NCOR2: variants seen among roughly 807,000 people sequenced by gnomAD.
NCOR2 encodes the protein nuclear receptor corepressor 2.
Under a neutral mutation model 262.9 loss-of-function variants are expected in NCOR2, and 81 were observed. The ratio of observed to expected loss-of-function variants is 0.31; its 90% CI spans 0.26 to 0.37. The LOEUF is 0.37. Ranked by LOEUF, NCOR2 falls within the 10% of genes least tolerant of loss-of-function variation. The pLI, the probability that NCOR2 is intolerant of heterozygous loss-of-function variation, is 1.00. For synonymous variants in NCOR2, 1,659 were observed against 1,559.3 expected (o/e 1.06, Z -1.51); for missense variants, 3,385 against 3,621.4 (o/e 0.93, Z 1.68).
At chr12:124,556,770 C>T (rs1358692255) in intron 1 of NCOR2, among the ~76,000 whole-genome samples, 1 of 151,868 alleles carries the variant, frequency 6.6e-6, no homozygotes, top group Non-Finnish European at 1.5e-5. Context: ...ATCGCTTCAA[C>T]TCAGGAGGCA....
chr12:124,417,775 T>C (rs2042989332), intron 13 of NCOR2, among the ~76,000 whole-genome samples: 1 of 152,172 alleles, frequency 6.6e-6, no homozygotes, highest in Admixed American at 6.5e-5. Context: ...AAAAACACCG[T>C]AGCGGCTGAG....
At chr12:124,384,507 C>A (rs545277794) in intron 17 of NCOR2, among the ~76,000 whole-genome samples, 1 of 152,252 alleles carries the variant, frequency 6.6e-6, no homozygotes, top group South Asian at 2.1e-4. Context: ...GACCACAGGG[C>A]CGTGGGACCG....
rs1290192051 is a variant in NCOR2 at position 124,355,458 on chromosome 12, C to T, written c.3355G>A (p.Glu1119Lys). ...TGGGAGATGGCACCTATTTGCCTCT[C>T]GAGGACGCTGGGGTGCTTGGCAGAG... The change falls in exon 24 of 47, where the codon GAG (glutamate) becomes AAG (lysine). Residue 1119 changes from glutamate to lysine, a missense_variant. By Grantham distance (56) the Glu-to-Lys change is moderately conservative. This residue lies in a region of NCOR2 where 1,615 missense variants were observed against 1,626.9 expected (regional missense o/e 0.99). Transcript: ENST00000405201. The T allele has an allele frequency of 1.2e-6, 2 of 1,613,274 alleles. No homozygotes were observed. Among genetic ancestry groups the T allele is most frequent in the African/African-American group, 2.7e-5 (2 of 74,992 alleles).
intron 1 of NCOR2, among the ~76,000 whole-genome samples, chr12:124,490,771 G>A (rs920833161): frequency 1.3e-5 from 2 of 152,190 alleles, no homozygotes; most frequent in African/African-American, 2.4e-5. Context: ...CTCCACCAAA[G>A]GTCTGCAACG....
intron 17 of NCOR2, among the ~76,000 whole-genome samples, 186 bp downstream of exon 19, chr12:124,385,559 G>A (rs928651650): frequency 2.0e-5 from 3 of 152,164 alleles, no homozygotes; most frequent in South Asian, 2.1e-4. Context: ...ACTCATAGCA[G>A]CATTGCCGCC....
At chr12:124,486,399 G>A (rs767361478) in intron 2 of NCOR2, 42 bp downstream of exon 4, 5 of 1,606,290 alleles carry the variant, frequency 3.1e-6, no homozygotes, top group Non-Finnish European at 4.2e-6. Flanking sequence ...CTGAGAAGGA[G>A]CTCTCACGCC....
chr12:124,550,661 T>G (rs1458359709), intron 1 of NCOR2, among the ~76,000 whole-genome samples: 1 of 152,252 alleles, frequency 6.6e-6, no homozygotes, highest in Non-Finnish European at 1.5e-5. Context: ...ACACATTTGT[T>G]CTGCTTCCAA....
At chr12:124,340,395 C>A (rs569116167) in exon 36 of NCOR2, 3 of 1,613,116 alleles carry the variant, frequency 1.9e-6, no homozygotes, top group East Asian at 4.5e-5. Context: ...GTCTCGCTCC[C>A]GCTCGGACGA....
At chr12:124,419,310 T>C (rs866647775) in intron 13 of NCOR2, among the ~76,000 whole-genome samples, 1 of 152,094 alleles carries the variant, frequency 6.6e-6, no homozygotes, top group African/African-American at 2.4e-5. Context: ...ACCATGCAAC[T>C]CCACCAGAGC....
intron 44 of NCOR2, chr12:124,329,130 C>T (rs1256309013): frequency 2.1e-6 from 1 of 470,332 alleles, no homozygotes; most frequent in Admixed American, 2.3e-5. Flanking sequence ...AGACTGGAGC[C>T]TGGAAAATTT....
chr12:124,434,826 T>G (rs1221122283), intron 8 of NCOR2, among the ~76,000 whole-genome samples: 2 of 152,078 alleles, frequency 1.3e-5, no homozygotes, highest in Non-Finnish European at 2.9e-5. Context: ...ACAACAAACA[T>G]GTTATACACA....
At chr12:124,409,127 T>C (rs58647613) in intron 13 of NCOR2, among the ~76,000 whole-genome samples, 2 of 152,220 alleles carry the variant, frequency 1.3e-5, no homozygotes, top group African/African-American at 4.8e-5. Flanking sequence ...AACACGCACA[T>C]GGAAGCCTGT....
chr12:124,487,230 G>A (rs2047811341), intron 1 of NCOR2, among the ~76,000 whole-genome samples: 3 of 152,202 alleles, frequency 2.0e-5, no homozygotes, highest in Admixed American at 6.5e-5. Flanking sequence ...GGCCTCACTC[G>A]CCAGGAGAAG....
At chr12:124,332,617 A>G in intron 42 of NCOR2, 150 bp from the exon 45 acceptor site, 1 of 1,040,298 alleles carries the variant, frequency 9.6e-7, no homozygotes, top group Non-Finnish European at 1.4e-6. Flanking sequence ...GTAGAAGATC[A>G]CGGCTCCTGA....
At chr12:124,546,479 G>C (rs965975547) in intron 1 of NCOR2, among the ~76,000 whole-genome samples, 1 of 152,140 alleles carries the variant, frequency 6.6e-6, no homozygotes, top group African/African-American at 2.4e-5. Flanking sequence ...TGTGACCTCA[G>C]CTCACTGCAG....
Position 124,504,077 on chromosome 12 carries a change from C to G in NCOR2, c.-117-8709G>C, listed in dbSNP as rs1198550186. 6.6e-6 allele frequency among the ~76,000 whole-genome samples: 1 copy of G among 152,224 alleles called. No homozygotes were observed. Among genetic ancestry groups the G allele is most frequent in the Non-Finnish European group, 1.5e-5 (1 of 68,032 alleles). On this transcript the variant is annotated intron_variant, in intron 1 of 46. Transcript: ENST00000404621. The surrounding 1 kb of genome is among the most constrained non-coding windows in gnomAD (Gnocchi z 4.5). ...CAGACTCAGCGTGGGAGGGTCTCAA[C>G]TCTCCCGAGTCCCCCACCTGGCACC...
In NCOR2 at chr12:124,565,956, C is replaced by G. The variant is rs191777552; in HGVS notation, c.-165+1352G>C. On this transcript the variant is annotated intron_variant, in intron 1 of 32. Transcript: ENST00000458234. ...CACCCACGAGGTACACAGCCTGCCC[C>G]GGGTCGCCCTCCCGGCGCAGTCTGG... Among the ~76,000 whole-genome samples the G allele has an allele frequency of 1.8e-4, 27 of 152,222 alleles. No individual in the cohort carries two copies. The East Asian group carries it at 4.3e-3, about 24-fold the overall frequency.
intron 1 of NCOR2, among the ~76,000 whole-genome samples, chr12:124,565,867 T>C (rs568891177): frequency 1.3e-5 from 2 of 151,950 alleles, no homozygotes; most frequent in African/African-American, 4.8e-5. Flanking sequence ...AGGTGCAGAG[T>C]GGGCCATCCC....
Position 124,495,185 on chromosome 12 carries a change from T to A in NCOR2, c.67A>T (p.Ser23Cys). 5 of 1,613,996 alleles carry A rather than the reference T, an allele frequency of 3.1e-6. No homozygotes were observed. The highest frequency in any genetic ancestry group is 4.2e-6 in the Non-Finnish European group (5 of 1,179,954). The change falls in exon 1 of 47, where the codon AGC (serine) becomes TGC (cysteine). Residue 23 changes from serine (S) to cysteine (C), a missense_variant. Ser to Cys is a moderately radical substitution (Grantham distance 112, BLOSUM62 -1). This residue lies in a region of NCOR2 where 237 missense variants were observed against 229.4 expected (regional missense o/e 1.03). Transcript: ENST00000405201. The surrounding 1 kb of genome is among the most constrained non-coding windows in gnomAD (Gnocchi z 4.4). ...GCGATCTGCACTGGGTAGGAAAGGCTGTGGGGCGGGTAGCGGGGCTCAGTG... is the reference window on the plus strand; with the variant it reads ...GCGATCTGCACTGGGTAGGAAAGGCAGTGGGGCGGGTAGCGGGGCTCAGTG...
Sources: gnomAD v4.1 joint callset for allele counts (sites outside exome capture counted in the v4.1 genomes callset) on GRCh38, gnomAD v4.1.1 for gene constraint, gnomAD v4.1.1 regional missense constraint, Gnocchi (gnomAD v3.1) non-coding constraint, MANE v1.5 for transcripts, NCBI Gene and HGNC (gene_info 2026-07-23, HGNC 2026-07-21) for gene names.